The following C12orf42 variants were observed in gnomAD, a reference collection of about 807,000 sequenced individuals.
The protein encoded by C12orf42 is chromosome 12 open reading frame 42.
Under a neutral mutation model 21.6 loss-of-function variants are expected in C12orf42, and 25 were observed. The observed-to-expected ratio is 1.16, with a 90% confidence interval of 0.84 to 1.62. The LOEUF (loss-of-function observed/expected upper bound fraction) is 1.62. Ranked by LOEUF, C12orf42 falls within the 40% of genes most tolerant of loss-of-function variation. C12orf42 has a pLI of 0.00. For missense variants in C12orf42, 483 were observed against 459.3 expected, an observed-to-expected ratio of 1.05 and a Z score of -0.47; for synonymous variants, 174 against 175.0, an observed-to-expected ratio of 0.99 and a Z score of 0.05.
chr12:103,310,930 T>A (rs1593377083), intron 4 of C12orf42, among the ~76,000 whole-genome samples: 1 of 152,186 alleles, frequency 6.6e-6, no homozygotes, highest in Non-Finnish European at 1.5e-5. Flanking sequence ...TAGCATTCTA[T>A]CTGCCCTTGT....
chr12:103,551,691 C>A, the C12orf42 span, among the ~76,000 whole-genome samples: 1 of 152,044 alleles, frequency 6.6e-6, no homozygotes, highest in Non-Finnish European at 1.5e-5. Flanking sequence ...ATGACATGCA[C>A]CTGTAGTCCC....
chr12:103,171,979 C>G, the C12orf42 span, among the ~76,000 whole-genome samples: 1 of 152,026 alleles, frequency 6.6e-6, no homozygotes, highest in Admixed American at 6.6e-5. Context: ...TAGGAACTTA[C>G]AATAAGAAAA....
At chr12:103,076,384 C>T in the C12orf42 span, among the ~76,000 whole-genome samples, 2 of 150,894 alleles carry the variant, frequency 1.3e-5, no homozygotes, top group African/African-American at 4.9e-5. Context: ...ATGATGAGGG[C>T]AAGAGGCAGA....
At chr12:103,537,748 G>T in the C12orf42 span, among the ~76,000 whole-genome samples, 2 of 152,148 alleles carry the variant, frequency 1.3e-5, no homozygotes, top group Non-Finnish European at 2.9e-5. Context: ...CATTCCATGG[G>T]GCTGCTAGAA....
At chr12:103,309,822 C>T (rs1364397240) in intron 4 of C12orf42, among the ~76,000 whole-genome samples, 5 of 152,200 alleles carry the variant, frequency 3.3e-5, no homozygotes, top group Non-Finnish European at 7.3e-5. Flanking sequence ...GGGCATTGGC[C>T]ATGCCAGGTG....
At chr12:103,200,038 A>G in the C12orf42 span, among the ~76,000 whole-genome samples, 2 of 152,206 alleles carry the variant, frequency 1.3e-5, no homozygotes, top group South Asian at 4.1e-4. Flanking sequence ...TCCCATGTTC[A>G]TTGCAGTTTT....
At chr12:103,092,265 G>A in the C12orf42 span, among the ~76,000 whole-genome samples, 1 of 152,190 alleles carries the variant, frequency 6.6e-6, no homozygotes, top group Admixed American at 6.5e-5. Flanking sequence ...CTGGTAGGAT[G>A]TTCCGGGGGA....
chr12:103,518,679 C>G, the C12orf42 span, among the ~76,000 whole-genome samples: 1 of 152,140 alleles, frequency 6.6e-6, no homozygotes, highest in East Asian at 1.9e-4. Context: ...AATGTTCAAA[C>G]ATAGCAGGCA....
intron 4 of C12orf42, among the ~76,000 whole-genome samples, chr12:103,339,967 T>C (rs1329973247): frequency 6.6e-6 from 1 of 152,138 alleles, no homozygotes; most frequent in Non-Finnish European, 1.5e-5. Context: ...CAAAAAAAAT[T>C]AGCGTGTCAG....
intron 4 of C12orf42, among the ~76,000 whole-genome samples, chr12:103,310,273 C>G (rs187905572): frequency 2.0e-4 from 30 of 152,152 alleles, no homozygotes; most frequent in South Asian, 8.3e-4. Context: ...CTCTCTCTCT[C>G]TGTGTCTCTC....
the C12orf42 span, among the ~76,000 whole-genome samples, chr12:103,148,249 C>A: frequency 6.6e-6 from 1 of 151,916 alleles, no homozygotes; most frequent in Admixed American, 6.6e-5. Flanking sequence ...AATTAAAAGG[C>A]CTTACTAATT....
At chr12:103,493,326 C>T (rs1471962291) in intron 1 of C12orf42, among the ~76,000 whole-genome samples, 1 of 152,146 alleles carries the variant, frequency 6.6e-6, no homozygotes, top group Non-Finnish European at 1.5e-5. Flanking sequence ...GCCACATCAG[C>T]GTTGCTTCAG....
the C12orf42 span, among the ~76,000 whole-genome samples, chr12:103,138,427 C>T: frequency 6.6e-6 from 1 of 152,190 alleles, no homozygotes; most frequent in African/African-American, 2.4e-5. Flanking sequence ...TCTCCTGCTG[C>T]CATGTGAAGA....
chr12:103,066,116 C>T, the C12orf42 span, among the ~76,000 whole-genome samples: 7 of 152,310 alleles, frequency 4.6e-5, no homozygotes, highest in South Asian at 1.5e-3. Context: ...CTGCAGATAA[C>T]TACTTTCCTT....
At chr12:103,162,895 AAC>A in the C12orf42 span, 1 of 152,208 alleles carries the variant, frequency 6.6e-6, no homozygotes, top group Admixed American at 6.5e-5. Context: ...TTAATTTGGA[AAC>A]ACAGCCTTCT....
chr12:103,204,530 C>T, the C12orf42 span, among the ~76,000 whole-genome samples: 3 of 152,102 alleles, frequency 2.0e-5, no homozygotes, highest in East Asian at 5.8e-4. Context: ...CATGTGTATT[C>T]AATGGTCAAA....
chr12:103,157,602 G>A, the C12orf42 span, among the ~76,000 whole-genome samples: 1 of 152,144 alleles, frequency 6.6e-6, no homozygotes, highest in Non-Finnish European at 1.5e-5. Flanking sequence ...ATGGTTTTGG[G>A]TTTTACATTT....
At chr12:103,200,412 T>C in the C12orf42 span, among the ~76,000 whole-genome samples, 2 of 152,210 alleles carry the variant, frequency 1.3e-5, no homozygotes, top group African/African-American at 2.4e-5. Flanking sequence ...TTACTGTATA[T>C]TATAGCACCT....
intron 4 of C12orf42, among the ~76,000 whole-genome samples, chr12:103,309,703 A>G (rs73185853): frequency 0.16 from 24,332 of 152,210 alleles, 1,985 homozygotes; most frequent in South Asian, 0.23. Context: ...AGAGCAGGAA[A>G]AAGTTAGAGT....
Sources: allele counts gnomAD v4.1 joint callset (sites outside exome capture counted in the v4.1 genomes callset), GRCh38; gene constraint gnomAD v4.1.1; transcripts MANE v1.5; gene names NCBI Gene and HGNC (gene_info 2026-07-23, HGNC 2026-07-21).